Variants in MOSPD2 observed in about 807,000 individuals in gnomAD.
The protein encoded by MOSPD2 is motile sperm domain-containing protein 2.
In MOSPD2, 5 loss-of-function variants were observed where a neutral mutation model predicts 41.7. The observed-to-expected ratio is 0.12, with a 90% CI of 0.06 to 0.25. MOSPD2 has a LOEUF of 0.25. Among genes scored for constraint, MOSPD2 ranks in the 10% least tolerant of loss-of-function variants. The pLI is 1.00. For missense variants in MOSPD2, 282 were observed against 375.2 expected (o/e 0.75, Z 2.05); for synonymous variants, 115 against 126.9 (o/e 0.91, Z 0.63).
At chrX:14,894,051 G>A (rs1239394583) in intron 3 of MOSPD2, among the ~76,000 whole-genome samples, 1 of 111,975 alleles carries the variant, frequency 8.9e-6, no homozygotes, top group African/African-American at 3.3e-5. Context: ...CCAAAAACTG[G>A]AGAGGCACTC....
intron 5 of MOSPD2, among the ~76,000 whole-genome samples, chrX:14,898,403 C>T (rs905743820): frequency 1.9e-4 from 11 of 58,458 alleles, no homozygotes; most frequent in African/African-American, 8.0e-4. Context: ...AAACTGTAGA[C>T]ATAACACAAA....
intron 13 of MOSPD2, among the ~76,000 whole-genome samples, chrX:14,916,842 GA>G (rs774671119): frequency 8.9e-6 from 1 of 111,753 alleles, no homozygotes; most frequent in Non-Finnish European, 1.9e-5. Flanking sequence ...TTAAGAGGGG[GA>G]AAAACTTGCA....
At chrX:14,900,178 A>T (rs920622392) in intron 5 of MOSPD2, among the ~76,000 whole-genome samples, 3 of 112,318 alleles carry the variant, frequency 2.7e-5, no homozygotes, top group African/African-American at 9.7e-5. Flanking sequence ...GTGTATTATT[A>T]TCCCAAGTAG....
At chrX:14,901,569 C>G (rs1407309526) in intron 6 of MOSPD2, among the ~76,000 whole-genome samples, 1 of 111,154 alleles carries the variant, frequency 9.0e-6, no homozygotes, top group Admixed American at 9.6e-5. Flanking sequence ...TGTATACTCT[C>G]ATCTTTTCAG....
chrX:14,919,327 G>C (rs769672528), intron 14 of MOSPD2, among the ~76,000 whole-genome samples: 1 of 112,170 alleles, frequency 8.9e-6, no homozygotes, highest in Non-Finnish European at 1.9e-5. Flanking sequence ...AAATAATTCA[G>C]TCTTGCAGAA....
intron 2 of MOSPD2, among the ~76,000 whole-genome samples, chrX:14,886,661 C>T (rs1381658665): frequency 9.0e-6 from 1 of 111,136 alleles, no homozygotes; most frequent in African/African-American, 3.3e-5. Flanking sequence ...ATAAGTTTGC[C>T]AGCTCCTGCA....
chrX:14,899,963 G>C (rs751917407), intron 5 of MOSPD2, among the ~76,000 whole-genome samples: 1 of 111,234 alleles, frequency 9.0e-6, no homozygotes, highest in East Asian at 2.8e-4. Context: ...CAGAATCAGT[G>C]AACAACACTG....
intron 8 of MOSPD2, among the ~76,000 whole-genome samples, chrX:14,910,389 T>G (rs765997086): frequency 1.8e-5 from 2 of 111,597 alleles, no homozygotes; most frequent in South Asian, 3.7e-4. Flanking sequence ...ACATCTTTTA[T>G]TTTGCAGGTT....
intron 13 of MOSPD2, among the ~76,000 whole-genome samples, chrX:14,916,834 AAG>A (rs1434146356): frequency 2.7e-5 from 3 of 112,299 alleles, no homozygotes; most frequent in Non-Finnish European, 5.6e-5. Flanking sequence ...TATTCTATTT[AAG>A]AGGGGGAAAA....
At chrX:14,901,981 TAC>T (rs1178164408) in intron 6 of MOSPD2, among the ~76,000 whole-genome samples, 1 of 109,583 alleles carries the variant, frequency 9.1e-6, no homozygotes, top group East Asian at 2.8e-4. Context: ...TATATATATA[TAC>T]ACACACACAT....
At chrX:14,893,009 G>T in intron 3 of MOSPD2, 131 bp downstream of exon 3, 1 of 457,604 alleles carries the variant, frequency 2.2e-6, no homozygotes. Flanking sequence ...TATTTATAAA[G>T]ACCCAGTAAT....
intron 7 of MOSPD2, among the ~76,000 whole-genome samples, chrX:14,907,989 A>G (rs1452227374): frequency 8.9e-6 from 1 of 112,261 alleles, no homozygotes; most frequent in African/African-American, 3.2e-5. Context: ...GTTAGCTAAA[A>G]TAAAAAGATA....
chrX:14,880,046 A>G (rs1281868547), intron 2 of MOSPD2, among the ~76,000 whole-genome samples: 2 of 110,251 alleles, frequency 1.8e-5, no homozygotes, highest in Admixed American at 1.9e-4. Flanking sequence ...CAAAACAAAA[A>G]CCACTTTTGT....
At position 14,873,777 on chromosome X, in the gene MOSPD2, G is replaced by A; in HGVS notation, c.79+19G>A. 8.5e-7 allele frequency: 1 copy of A among 1,178,567 alleles called. No homozygotes were observed. Among genetic ancestry groups the A allele is most frequent in the Non-Finnish European group, 1.2e-6 (1 of 865,060 alleles). On this transcript the variant is annotated intron_variant, in intron 2 of 14. Transcript: ENST00000380492. The stretch of plus-strand genomic sequence containing the variant: ...GTGACAGGTGGGTACTCTGTTCCAG[G>A]TATTAAGAAAGGTGTGCAGTGAGCA...
In MOSPD2 at chrX:14,911,234, T is replaced by C. The variant is rs751162585; in HGVS notation, c.703-3T>C. 9 of 1,187,926 alleles carry C rather than the reference T, an allele frequency of 7.6e-6. No individual in the cohort carries two copies. The highest frequency in any genetic ancestry group is 4.9e-5 in the Admixed American group (2 of 40,608). ...AGGCTCATGTGAAATTATTTTCTTG[T>C]AGGATCCTTTCAAGTATAGCTATCC... is the stretch of plus-strand genomic sequence containing the variant. On this transcript the variant is annotated splice_region_variant and splice_polypyrimidine_tract_variant and intron_variant, in intron 8 of 14. Transcript: ENST00000380492.
At chrX:14,885,622 G>A in intron 2 of MOSPD2, among the ~76,000 whole-genome samples, 1 of 111,114 alleles carries the variant, frequency 9.0e-6, no homozygotes, top group Non-Finnish European at 1.9e-5. Flanking sequence ...AAAATATGAG[G>A]TATAAAGTTT....
At position 14,887,359 on chromosome X, in the gene MOSPD2, A is replaced by C. The variant is rs147627715; in HGVS notation, c.80-5364A>C. 8.7e-3 allele frequency among the ~76,000 whole-genome samples: 972 copies of C among 112,117 alleles called. 3 individuals are homozygous for C. The highest frequency in any genetic ancestry group is 0.015 in the Non-Finnish European group (777 of 53,165). ...ATAGTTAGCATTCTATCGTATGTTG[A>C]TGGAAAGTCATTTGTATAGTGTTTA... On this transcript the variant is annotated intron_variant, in intron 2 of 14. Coordinates refer to ENST00000380492, the MANE Select transcript of MOSPD2 (RefSeq NM_152581.4).
intron 2 of MOSPD2, among the ~76,000 whole-genome samples, chrX:14,881,027 TC>T (rs1221787191): frequency 2.7e-5 from 3 of 111,114 alleles, no homozygotes; most frequent in Non-Finnish European, 5.7e-5. Context: ...AATTCACCAC[TC>T]CCCCAATTTG....
At chrX:14,904,340 A>G (rs2092578180) in intron 7 of MOSPD2, among the ~76,000 whole-genome samples, 1 of 112,060 alleles carries the variant, frequency 8.9e-6, no homozygotes, top group African/African-American at 3.2e-5. Context: ...GTAATCTACC[A>G]TATTAATATA....
Sources: allele counts gnomAD v4.1 joint callset (sites outside exome capture counted in the v4.1 genomes callset), GRCh38; gene constraint gnomAD v4.1.1; transcripts MANE v1.5; gene names NCBI Gene and HGNC (gene_info 2026-07-23, HGNC 2026-07-21).